CSK: variants seen among roughly 807,000 people sequenced by gnomAD.
CSK encodes the protein C-terminal Src kinase.
A neutral mutation model predicts 62.3 loss-of-function variants in CSK; 7 were observed. The observed-to-expected ratio is 0.11, with a 90% confidence interval of 0.06 to 0.21. CSK has a LOEUF of 0.21. CSK is among the 10% of genes least tolerant of loss of function. The pLI is 1.00. For synonymous variants in CSK, 237 were observed against 246.0 expected, an observed-to-expected ratio of 0.96 and a Z score of 0.34; for missense variants, 294 against 613.5, an observed-to-expected ratio of 0.48 and a Z score of 5.50.
intron 1 of CSK, among the ~76,000 whole-genome samples, chr15:74,790,612 C>G (rs1214294092): frequency 6.6e-6 from 1 of 152,260 alleles, no homozygotes; most frequent in Non-Finnish European, 1.5e-5. Context: ...GTCCCCTAGC[C>G]CTGCGGGAAT....
intron 8 of CSK, 28 bp from the exon 9 acceptor site, chr15:74,800,984 C>G (rs2141826434): frequency 1.2e-6 from 2 of 1,613,080 alleles, no homozygotes; most frequent in Non-Finnish European, 1.7e-6. Flanking sequence ...CCAGCTTCCC[C>G]TTTCTGACCA....
chr15:74,796,167 GC>G (rs1231770396), intron 1 of CSK, among the ~76,000 whole-genome samples: 5 of 152,002 alleles, frequency 3.3e-5, no homozygotes, highest in Non-Finnish European at 7.4e-5. Context: ...GTTGCAGTAA[GC>G]CGTGAGTCAC....
chr15:74,785,600 C>A (rs2063502912), intron 1 of CSK, among the ~76,000 whole-genome samples: 1 of 152,222 alleles, frequency 6.6e-6, no homozygotes, highest in Non-Finnish European at 1.5e-5. Context: ...AACTAACTAA[C>A]CAAGGGACTC....
At chr15:74,795,340 A>G (rs1171404122) in intron 1 of CSK, among the ~76,000 whole-genome samples, 2 of 152,182 alleles carry the variant, frequency 1.3e-5, no homozygotes, top group Non-Finnish European at 2.9e-5. Context: ...CTCCGTCGCA[A>G]TAATAACAAT....
In CSK at chr15:74,801,695, A is replaced by C. The variant is rs1427095411; in HGVS notation, c.888A>C (p.Leu296=). ...LGGDCLLKFS[L]DVCEAMEYLE... is the part of the protein sequence containing the mutation. ...GGACATGTGGCTGGCCTACCCCCAG[A>C]GATGTCTGCGAGGCCATGGAATACC... is the stretch of plus-strand genomic sequence containing the variant. The change falls in exon 11 of 13, where the codon CTA becomes CTC. Residue 296 remains leucine, a splice_region_variant and synonymous_variant. Transcript: ENST00000220003. 6.2e-7 allele frequency: 1 copy of C among 1,612,002 alleles called. No individual in the cohort carries two copies. The highest frequency in any genetic ancestry group is 1.7e-5 in the Admixed American group (1 of 59,978).
Position 74,798,438 on chromosome 15 carries a change from A to G in CSK, c.15+126A>G. On this transcript the variant is annotated intron_variant, in intron 2 of 12. Transcript: ENST00000220003. The surrounding 1 kb of genome is among the most constrained non-coding windows in gnomAD (Gnocchi z 6.6). ...CCTTTTTCCCAGCACTCAGTCAGGT[A>G]CAGGCCTGGGGAAGTGGGGGAGTCT... 7.5e-7 allele frequency: 1 copy of G among 1,337,320 alleles called. No homozygotes were observed. Among genetic ancestry groups the G allele is most frequent in the Non-Finnish European group, 1.0e-6 (1 of 953,582 alleles). 82.8% of individuals were successfully genotyped at this position (1,337,320 alleles called of 1,614,324 possible). A position where few individuals can be genotyped will look rare whatever the true frequency, so the allele number is the denominator to read the frequency against.
chr15:74,784,050 A>G (rs571579445), intron 1 of CSK, among the ~76,000 whole-genome samples: 1 of 152,298 alleles, frequency 6.6e-6, no homozygotes, highest in South Asian at 2.1e-4. Context: ...TGGCCACAGC[A>G]GGAACAGGGC....
chr15:74,798,587 A>G lies in CSK; in HGVS notation c.16-28A>G, dbSNP rs1271412788. 6.3e-7 allele frequency: 1 copy of G among 1,599,478 alleles called. No individual in the cohort carries two copies. Among genetic ancestry groups the G allele is most frequent in the Non-Finnish European group, 8.6e-7 (1 of 1,168,556 alleles). On this transcript the variant is annotated intron_variant, in intron 2 of 12. Coordinates refer to ENST00000220003, the MANE Select transcript of CSK (RefSeq NM_004383.3). This position sits in a 1 kb window ranked among gnomAD's most constrained non-coding sequence, Gnocchi z 6.6. ...GGTGGCTGGAGGGGGCCCAGGCTGC[A>G]CCCGCCCACGTGTCACCTGCCTTGC...
intron 1 of CSK, among the ~76,000 whole-genome samples, chr15:74,797,273 T>C (rs1380981263): frequency 6.6e-6 from 1 of 152,192 alleles, no homozygotes; most frequent in Non-Finnish European, 1.5e-5. Flanking sequence ...TTATCGGGAT[T>C]GGCCAGGCAC....
At chr15:74,785,998 C>CT (rs1297278876) in intron 1 of CSK, among the ~76,000 whole-genome samples, 2 of 44,910 alleles carry the variant, frequency 4.5e-5, no homozygotes, top group African/African-American at 1.4e-4. Flanking sequence ...CTCTCTCTCT[C>CT]TCTCTTTTTT....
In CSK at chr15:74,802,810, C is replaced by T. The variant is rs1206507365; in HGVS notation, c.*297C>T. The T allele has an allele frequency of 5.6e-5, 19 of 337,442 alleles. No homozygotes were observed. In the East Asian group the frequency reaches 9.7e-4, roughly 17 times the overall value. 20.9% of individuals were successfully genotyped at this position (337,442 alleles called of 1,614,324 possible). On this transcript the variant is annotated 3_prime_UTR_variant, in exon 13 of 13. Coordinates refer to ENST00000220003, the MANE Select transcript of CSK (RefSeq NM_004383.3). ...GCCTTCTTAGAGTTTTATTCCTTTCCTTTTTTGAGATTTTTTTTCCGTGTG... is the reference window on the plus strand; with the variant it reads ...GCCTTCTTAGAGTTTTATTCCTTTCTTTTTTTGAGATTTTTTTTCCGTGTG...
chr15:74,798,015 C>G lies in CSK; in HGVS notation c.-65-218C>G, dbSNP rs560213127. ...TCAGTCCTGGAAGGCCCCCTGTGGC[C>G]TTAGGGTTGGTGGCTCCCTCTGCCC... On this transcript the variant is annotated intron_variant, in intron 1 of 12. Transcript: ENST00000220003. The surrounding 1 kb of genome is among the most constrained non-coding windows in gnomAD (Gnocchi z 6.6). The G allele has an allele frequency of 2.7e-5, 11 of 404,162 alleles. No individual in the cohort carries two copies. The South Asian group carries it at 4.3e-4, about 16-fold the overall frequency. 25.0% of individuals were successfully genotyped at this position (404,162 alleles called of 1,614,324 possible).
chr15:74,796,222 CAAA>C (rs899938609), intron 1 of CSK, among the ~76,000 whole-genome samples: 1 of 139,130 alleles, frequency 7.2e-6, no homozygotes, highest in Non-Finnish European at 1.6e-5. Context: ...CTTGCTGTCT[CAAA>C]AAAAAAAAGA....
chr15:74,800,306 A>G, intron 5 of CSK, 106 bp from the exon 6 acceptor site: 1 of 946,806 alleles, frequency 1.1e-6, no homozygotes, highest in Non-Finnish European at 1.7e-6. Flanking sequence ...CAGTGACTCC[A>G]GGCTAGGCGG....
intron 1 of CSK, among the ~76,000 whole-genome samples, chr15:74,795,385 A>G (rs1441691557): frequency 1.3e-5 from 2 of 152,216 alleles, no homozygotes; most frequent in South Asian, 4.1e-4. Context: ...CCACTGGGGT[A>G]GGTAGCAATA....
chr15:74,800,267 C>T, intron 5 of CSK, 145 bp from the exon 6 acceptor site: 1 of 681,274 alleles, frequency 1.5e-6, no homozygotes, highest in East Asian at 2.7e-5. Context: ...TAACCCCTGC[C>T]CTACCAGAAA....
rs1183075848 is a variant in CSK at position 74,802,569 on chromosome 15, G to A, written c.*56G>A. 1 of 1,585,230 alleles carries A rather than the reference G, an allele frequency of 6.3e-7. No homozygotes were observed. Among genetic ancestry groups the A allele is most frequent in the African/African-American group, 1.4e-5 (1 of 73,354 alleles). ...TGGGGACTGAACCTGGAAGATCATG[G>A]ACCTGGTGCCCCTGCTCACTGGGCC... On this transcript the variant is annotated 3_prime_UTR_variant, in exon 13 of 13. Coordinates refer to ENST00000220003, the MANE Select transcript of CSK (RefSeq NM_004383.3).
chr15:74,801,875 G>A lies in CSK; in HGVS notation c.1068G>A (p.Glu356=), dbSNP rs1444743954. The part of the protein sequence containing the change: ...GKLPVKWTAP[E]ALREKKFSTK... ...TGCCAGTCAAGTGGACAGCCCCTGA[G>A]GCCCTGAGAGAGAAGGTGGGGCTGG... Residue 356 remains glutamate, a synonymous_variant, in exon 11 of 13, where the codon GAG becomes GAA. Coordinates refer to ENST00000220003, the MANE Select transcript of CSK (RefSeq NM_004383.3). The A allele has an allele frequency of 6.2e-7, 1 of 1,611,334 alleles. No individual in the cohort carries two copies. Among genetic ancestry groups the A allele is most frequent in the African/African-American group, 1.3e-5 (1 of 74,846 alleles).
intron 1 of CSK, among the ~76,000 whole-genome samples, chr15:74,787,659 G>T (rs1041972330): frequency 6.6e-6 from 1 of 152,078 alleles, no homozygotes; most frequent in African/African-American, 2.4e-5. Context: ...CCCTCCAACC[G>T]CAGCTTCCCT....
Sources: gnomAD v4.1 joint callset for allele counts (sites outside exome capture counted in the v4.1 genomes callset) on GRCh38, gnomAD v4.1.1 for gene constraint, Gnocchi (gnomAD v3.1) non-coding constraint, MANE v1.5 for transcripts, NCBI Gene and HGNC (gene_info 2026-07-23, HGNC 2026-07-21) for gene names.